Variants in LMX1B observed in about 807,000 individuals in gnomAD.
The protein encoded by LMX1B is LIM homeobox transcription factor 1 beta, also known as LIM homeobox transcription factor 1-beta.
A neutral mutation model predicts 51.4 loss-of-function variants in LMX1B; 12 were observed. That is an observed-to-expected ratio of 0.23 (90% CI 0.15 to 0.38). The LOEUF is 0.38. Among genes scored for constraint, LMX1B ranks in the 10% least tolerant of loss-of-function variants. LMX1B has a pLI of 1.00. For missense variants in LMX1B, 445 were observed against 571.1 expected, an observed-to-expected ratio of 0.78 and a Z score of 2.25; for synonymous variants, 237 against 235.4, an observed-to-expected ratio of 1.01 and a Z score of -0.06.
chr9:126,663,232 G>C (rs530275048), intron 2 of LMX1B, among the ~76,000 whole-genome samples: 1 of 152,016 alleles, frequency 6.6e-6, no homozygotes, highest in East Asian at 1.9e-4. Context: ...TTCGAGACCA[G>C]CCTGACCAAC....
At chr9:126,637,587 G>C (rs371776761) in intron 2 of LMX1B, among the ~76,000 whole-genome samples, 5 of 152,206 alleles carry the variant, frequency 3.3e-5, no homozygotes, top group African/African-American at 1.2e-4. Context: ...TAATGTGTCA[G>C]GGCATGGGAA....
chr9:126,676,921 G>A (rs1167915607), intron 2 of LMX1B, among the ~76,000 whole-genome samples: 1 of 152,202 alleles, frequency 6.6e-6, no homozygotes, highest in African/African-American at 2.4e-5. Flanking sequence ...CTCAATAATC[G>A]CTCTTCTCTG....
chr9:126,693,613 C>A lies in LMX1B; in HGVS notation c.819+12C>A, dbSNP rs1456192241. 1.2e-6 allele frequency: 2 copies of A among 1,613,402 alleles called. No individual in the cohort carries two copies. The highest frequency in any genetic ancestry group is 1.7e-5 in the Admixed American group (1 of 59,994). On this transcript the variant is annotated intron_variant, in intron 5 of 7. Transcript: ENST00000373474. The stretch of plus-strand genomic sequence containing the variant: ...ACCAAAGAGCAAAGGTAAGAGGCCA[C>A]CCCCCATCCCCACTGGCCCCGGGTA...
chr9:126,660,024 T>TGG (rs570724627), intron 2 of LMX1B, among the ~76,000 whole-genome samples: 1 of 148,060 alleles, frequency 6.8e-6, no homozygotes, highest in Non-Finnish European at 1.5e-5. Context: ...TTGTCCTGTG[T>TGG]GGGGGTGTCT....
At chr9:126,621,497 T>A (rs1040695530) in intron 2 of LMX1B, among the ~76,000 whole-genome samples, 2 of 152,200 alleles carry the variant, frequency 1.3e-5, no homozygotes, top group African/African-American at 4.8e-5. Flanking sequence ...AAAAAGTTGA[T>A]TCACGAAGGT....
At chr9:126,659,073 G>A (rs1409127091) in intron 2 of LMX1B, among the ~76,000 whole-genome samples, 2 of 152,238 alleles carry the variant, frequency 1.3e-5, no homozygotes, top group African/African-American at 2.4e-5. Context: ...GCATGCAGAC[G>A]CTCAGACGCA....
At chr9:126,647,104 A>G (rs1835916098) in intron 2 of LMX1B, among the ~76,000 whole-genome samples, 1 of 152,178 alleles carries the variant, frequency 6.6e-6, no homozygotes, top group Non-Finnish European at 1.5e-5. Context: ...GTCAGGAGAC[A>G]GGCTGGCGGA....
At position 126,615,775 on chromosome 9, in the gene LMX1B, G is replaced by A. The variant is rs1383321134; in HGVS notation, c.326+206G>A. On this transcript the variant is annotated intron_variant, in intron 2 of 7. Coordinates refer to ENST00000373474, the MANE Select transcript of LMX1B (RefSeq NM_001174147.2). This position sits in a 1 kb window ranked among gnomAD's most constrained non-coding sequence, Gnocchi z 6.0. Reference sequence around the variant, plus strand: ...CACTGATGGGGTCCTGGGAGCCTCCGGACGGCCCCCAGTTGCCATCCGTTG... The same window carrying A: ...CACTGATGGGGTCCTGGGAGCCTCCAGACGGCCCCCAGTTGCCATCCGTTG... 6.6e-6 allele frequency among the ~76,000 whole-genome samples: 1 copy of A among 152,180 alleles called. No individual in the cohort carries two copies. The highest frequency in any genetic ancestry group is 2.4e-5 in the African/African-American group (1 of 41,458).
At chr9:126,675,357 C>G (rs1836534914) in intron 2 of LMX1B, among the ~76,000 whole-genome samples, 1 of 152,196 alleles carries the variant, frequency 6.6e-6, no homozygotes, top group Non-Finnish European at 1.5e-5. Flanking sequence ...AGAGAACGCC[C>G]TTTTGTATTT....
At chr9:126,693,073 G>A (rs1394692175) in intron 3 of LMX1B, 69 bp from the exon 4 acceptor site, 20 of 1,490,640 alleles carry the variant, frequency 1.3e-5, no homozygotes, top group East Asian at 5.0e-5. Flanking sequence ...GCAGGTTGCC[G>A]AAGGGGACAA....
chr9:126,626,116 G>A lies in LMX1B; in HGVS notation c.326+10547G>A, dbSNP rs139730426. On this transcript the variant is annotated intron_variant, in intron 2 of 7. Transcript: ENST00000373474. This position sits in a 1 kb window ranked among gnomAD's most constrained non-coding sequence, Gnocchi z 4.3. ...GTCAGTGGAACCGGAGGGGGACTTCGGAGGAATTTGTCTCTGATGTCCCGG... is the reference window on the plus strand; with the variant it reads ...GTCAGTGGAACCGGAGGGGGACTTCAGAGGAATTTGTCTCTGATGTCCCGG... Among the ~76,000 whole-genome samples the A allele has an allele frequency of 6.6e-6, 1 of 152,236 alleles. No homozygotes were observed. Among genetic ancestry groups the A allele is most frequent in the African/African-American group, 2.4e-5 (1 of 41,472 alleles).
chr9:126,652,679 G>A (rs142966921), intron 2 of LMX1B, among the ~76,000 whole-genome samples: 1 of 152,228 alleles, frequency 6.6e-6, no homozygotes, highest in Non-Finnish European at 1.5e-5. Context: ...ACTCAGATCT[G>A]GGCCTGGACT....
chr9:126,693,937 G>C (rs552765512), intron 6 of LMX1B, 125 bp downstream of exon 6: 1 of 615,670 alleles, frequency 1.6e-6, no homozygotes, highest in Non-Finnish European at 2.9e-6. Context: ...GGCTGGGACC[G>C]GGGCTGCACC....
At chr9:126,624,417 AC>A (rs1476154522) in intron 2 of LMX1B, among the ~76,000 whole-genome samples, 1 of 151,020 alleles carries the variant, frequency 6.6e-6, no homozygotes, top group Non-Finnish European at 1.5e-5. Context: ...CCTCCTGCCG[AC>A]CCCCTCGGGC....
At chr9:126,642,032 C>G (rs1835817604) in intron 2 of LMX1B, among the ~76,000 whole-genome samples, 1 of 152,130 alleles carries the variant, frequency 6.6e-6, no homozygotes, top group South Asian at 2.1e-4. Flanking sequence ...CCCTTCGAAG[C>G]CCCCACCTGG....
In LMX1B at chr9:126,697,605, G is replaced by A. The variant is rs980461460; in HGVS notation, c.*1154G>A. On this transcript the variant is annotated 3_prime_UTR_variant, in exon 8 of 8. Coordinates refer to ENST00000373474, the MANE Select transcript of LMX1B (RefSeq NM_001174147.2). The stretch of plus-strand genomic sequence containing the variant: ...TCCGGCTGTCCCTCTAAAGGTGTGG[G>A]GCAGGTATCACTTCACCTTCCCACT... 1.3e-5 allele frequency: 2 copies of A among 152,368 alleles called. No individual in the cohort carries two copies. The highest frequency in any genetic ancestry group is 2.9e-5 in the Non-Finnish European group (2 of 68,172). The allele number at this position is 152,368 out of a possible 1,614,324, so 9.4% of individuals were successfully genotyped here.
rs375402598 is a variant in LMX1B, at chr9:126,695,801, G to A, written c.887-38G>A. Reference sequence around the variant, plus strand: ...TGCTGGGGTGTAGCTGGGAGGGCGTGGACCAGGCCAGGGGGTGAAGGCTCA... The same window carrying A: ...TGCTGGGGTGTAGCTGGGAGGGCGTAGACCAGGCCAGGGGGTGAAGGCTCA... On this transcript the variant is annotated intron_variant, in intron 6 of 7. Transcript: ENST00000373474. The surrounding 1 kb of genome is among the most constrained non-coding windows in gnomAD (Gnocchi z 5.2). 4.3e-6 allele frequency: 7 copies of A among 1,609,366 alleles called. No homozygotes were observed. The Admixed American group carries it at 6.7e-5, about 15-fold the overall frequency.
intron 3 of LMX1B, among the ~76,000 whole-genome samples, chr9:126,691,558 A>C (rs1225672939): frequency 6.6e-6 from 1 of 152,142 alleles, no homozygotes; most frequent in Non-Finnish European, 1.5e-5. Context: ...ACATGCTCAC[A>C]TGTACTGTGG....
chr9:126,678,528 G>C (rs1836615592), intron 2 of LMX1B, among the ~76,000 whole-genome samples: 1 of 152,152 alleles, frequency 6.6e-6, no homozygotes, highest in Admixed American at 6.6e-5. Context: ...CCCTGAGCAT[G>C]TTTTTATCAC....
Sources: gnomAD v4.1 joint callset for allele counts (sites outside exome capture counted in the v4.1 genomes callset) on GRCh38, gnomAD v4.1.1 for gene constraint, Gnocchi (gnomAD v3.1) non-coding constraint, MANE v1.5 for transcripts, NCBI Gene and HGNC (gene_info 2026-07-23, HGNC 2026-07-21) for gene names.